SNAP25: variants seen among roughly 807,000 people sequenced by gnomAD.
The protein encoded by SNAP25 is synaptosomal-associated protein 25.
SNAP25 carries 3 observed loss-of-function variants against 28.7 expected under a neutral mutation model. The observed-to-expected ratio is 0.10, with a 90% CI of 0.05 to 0.27. SNAP25 has a LOEUF of 0.27. Ranked by LOEUF, SNAP25 falls within the 10% of genes least tolerant of loss-of-function variation. The pLI is 1.00. For missense variants in SNAP25, 117 were observed against 278.7 expected (o/e 0.42, Z 4.13); for synonymous variants, 61 against 88.1 (o/e 0.69, Z 1.72).
rs363027 is a variant in SNAP25, at chr20:10,236,566, G to A, written c.-64+17589G>A. On this transcript the variant is annotated intron_variant, in intron 1 of 7. Coordinates refer to ENST00000254976, the MANE Select transcript of SNAP25 (RefSeq NM_130811.4). Reference sequence around the variant, plus strand: ...TCTACCTTCTCATCTAATTACAAGAGCTACCCATAATGTTAAAAACAATTC... The same window carrying A: ...TCTACCTTCTCATCTAATTACAAGAACTACCCATAATGTTAAAAACAATTC... Among the ~76,000 whole-genome samples, 84 of 152,192 alleles carry A rather than the reference G, an allele frequency of 5.5e-4. No homozygotes were observed. In the East Asian group the frequency reaches 0.015, roughly 27 times the overall value.
chr20:10,221,300 A>G (rs1051974822), intron 1 of SNAP25, among the ~76,000 whole-genome samples: 5 of 152,218 alleles, frequency 3.3e-5, no homozygotes, highest in African/African-American at 1.2e-4. Context: ...AAGGGCACAG[A>G]GCTGAGAGGA....
At chr20:10,232,646 C>A (rs999474088) in intron 1 of SNAP25, among the ~76,000 whole-genome samples, 10 of 152,178 alleles carry the variant, frequency 6.6e-5, no homozygotes, top group Admixed American at 5.2e-4. Context: ...CCACCATAGA[C>A]TAGGCACAGT....
chr20:10,221,904 A>C (rs1449388835), intron 1 of SNAP25, among the ~76,000 whole-genome samples: 1 of 152,274 alleles, frequency 6.6e-6, no homozygotes, highest in Non-Finnish European at 1.5e-5. Flanking sequence ...AGAGGTTGAG[A>C]GAGGAGACAT....
In SNAP25 at chr20:10,293,950, C is replaced by T. The variant is rs142513975; in HGVS notation, c.281+672C>T. Among the ~76,000 whole-genome samples, 268 of 151,794 alleles carry T rather than the reference C, an allele frequency of 1.8e-3. 2 individuals carry two copies. Among genetic ancestry groups the T allele is most frequent in the African/African-American group, 5.7e-3 (234 of 41,348 alleles). On this transcript the variant is annotated intron_variant, in intron 5 of 7. Coordinates refer to ENST00000254976, the MANE Select transcript of SNAP25 (RefSeq NM_130811.4). This position sits in a 1 kb window ranked among gnomAD's most constrained non-coding sequence, Gnocchi z 5.6. ...TGTTGAAATGTGTAGATTTTGCATGCACAACATCACAAAACATTCAACTGT... is the reference window on the plus strand; with the variant it reads ...TGTTGAAATGTGTAGATTTTGCATGTACAACATCACAAAACATTCAACTGT...
At chr20:10,296,763 G>C in intron 5 of SNAP25, 162 bp from the exon 6 acceptor site, 1 of 933,684 alleles carries the variant, frequency 1.1e-6, no homozygotes, top group Non-Finnish European at 1.5e-6. Context: ...AGGCATGGTG[G>C]TGGCCAACTG....
intron 1 of SNAP25, among the ~76,000 whole-genome samples, chr20:10,229,886 T>C (rs1042917575): frequency 6.6e-6 from 1 of 151,960 alleles, no homozygotes; most frequent in Admixed American, 6.6e-5. Context: ...TTAAGCAGAA[T>C]TTGGGGGAAA....
chr20:10,239,590 G>A (rs1347867543), intron 1 of SNAP25, among the ~76,000 whole-genome samples: 1 of 152,188 alleles, frequency 6.6e-6, no homozygotes, highest in African/African-American at 2.4e-5. Context: ...TGCACTAACT[G>A]AGCGCTCTAT....
At chr20:10,300,150 G>A (rs1297523880) in intron 7 of SNAP25, among the ~76,000 whole-genome samples, 3 of 151,724 alleles carry the variant, frequency 2.0e-5, no homozygotes, top group African/African-American at 2.4e-5. Context: ...CCATGTCAAC[G>A]TGGGCCATAA....
At chr20:10,245,243 G>A (rs750668860) in intron 1 of SNAP25, among the ~76,000 whole-genome samples, 2 of 152,116 alleles carry the variant, frequency 1.3e-5, no homozygotes, top group Non-Finnish European at 2.9e-5. Flanking sequence ...CTCTCTCACT[G>A]TCTATATCCT....
intron 6 of SNAP25, among the ~76,000 whole-genome samples, chr20:10,297,600 G>C (rs934289810): frequency 6.6e-6 from 1 of 152,214 alleles, no homozygotes; most frequent in African/African-American, 2.4e-5. Context: ...AGTCCTGGGG[G>C]ACAGGAGAAG....
chr20:10,255,830 G>T (rs1037637157), intron 1 of SNAP25, among the ~76,000 whole-genome samples: 1 of 152,092 alleles, frequency 6.6e-6, no homozygotes, highest in East Asian at 1.9e-4. Context: ...GCTATTAAGC[G>T]CAGAACAGTG....
At chr20:10,280,401 TC>T (rs1489612109) in intron 3 of SNAP25, among the ~76,000 whole-genome samples, 1 of 152,210 alleles carries the variant, frequency 6.6e-6, no homozygotes, top group African/African-American at 2.4e-5. Context: ...TTAGGAACTC[TC>T]TTTTGGTGAA....
chr20:10,243,946 CTGTT>C (rs2063081071), intron 1 of SNAP25, among the ~76,000 whole-genome samples: 2 of 152,168 alleles, frequency 1.3e-5, no homozygotes, highest in Admixed American at 6.5e-5. Context: ...TTCCCAATCA[CTGTT>C]TGCAAACTTT....
chr20:10,291,073 A>G (rs780834800), intron 4 of SNAP25, among the ~76,000 whole-genome samples: 2 of 152,070 alleles, frequency 1.3e-5, no homozygotes, highest in Admixed American at 6.6e-5. Flanking sequence ...ATTTTTTTTA[A>G]TTGTAATTTT....
At chr20:10,284,970 T>G (rs1040351644) in intron 4 of SNAP25, among the ~76,000 whole-genome samples, 198 bp downstream of exon 4, 3 of 152,242 alleles carry the variant, frequency 2.0e-5, no homozygotes, top group Non-Finnish European at 4.4e-5. Flanking sequence ...TGAGGCCTTC[T>G]TCATGAGTGA....
At chr20:10,253,425 C>A (rs78816975) in intron 1 of SNAP25, among the ~76,000 whole-genome samples, 2,107 of 152,308 alleles carry the variant, frequency 0.014, 45 homozygotes, top group African/African-American at 0.048. Flanking sequence ...CTCTAGGCTA[C>A]TTACCGAACC....
At chr20:10,302,287 C>T (rs563817851) in intron 7 of SNAP25, among the ~76,000 whole-genome samples, 169 of 152,232 alleles carry the variant, frequency 1.1e-3, no homozygotes, top group African/African-American at 3.6e-3. Context: ...GACAGGCACA[C>T]GTTGGAATAC....
intron 4 of SNAP25, among the ~76,000 whole-genome samples, chr20:10,285,524 A>G (rs1016011626): frequency 2.6e-5 from 4 of 152,214 alleles, no homozygotes; most frequent in Non-Finnish European, 4.4e-5. Flanking sequence ...ATCATAATAA[A>G]CAGATTTCTG....
chr20:10,289,012 A>G (rs907147416), intron 4 of SNAP25, among the ~76,000 whole-genome samples: 1 of 152,164 alleles, frequency 6.6e-6, no homozygotes, highest in South Asian at 2.1e-4. Flanking sequence ...GTGAGCACCA[A>G]AAGTGTTGAC....
Sources: gnomAD v4.1 joint callset for allele counts (sites outside exome capture counted in the v4.1 genomes callset) on GRCh38, gnomAD v4.1.1 for gene constraint, Gnocchi (gnomAD v3.1) non-coding constraint, MANE v1.5 for transcripts, NCBI Gene and HGNC (gene_info 2026-07-23, HGNC 2026-07-21) for gene names.